TTN: variants seen among roughly 807,000 people sequenced by gnomAD.
TTN encodes the protein titin, also known as connectin.
TTN carries 1,525 observed loss-of-function variants against 3,223.0 expected under a neutral mutation model. The ratio of observed to expected loss-of-function variants is 0.47; its 90% confidence interval spans 0.45 to 0.49. The LOEUF (loss-of-function observed/expected upper bound fraction) is 0.49. Among genes scored for constraint, TTN ranks in the 20% least tolerant of loss-of-function variants. TTN has a pLI of 0.00. For missense variants in TTN, 40,786 were observed against 43,424.0 expected (o/e 0.94, Z 5.40); for synonymous variants, 14,094 against 15,161.0 (o/e 0.93, Z 5.17).
intron 222 of TTN, 51 bp from the exon 223 acceptor site, chr2:178,639,839 A>T: frequency 2.6e-6 from 4 of 1,520,704 alleles, no homozygotes; most frequent in Non-Finnish European, 3.5e-6. Flanking sequence ...ACTTCCTAAA[A>T]ACTTATTTGG....
intron 330 of TTN, 142 bp from the exon 331 acceptor site, chr2:178,555,294 T>A: frequency 1.2e-6 from 1 of 801,702 alleles, no homozygotes; most frequent in Non-Finnish European, 1.9e-6. Flanking sequence ...AATTATTATT[T>A]AAAAATTAAA....
rs1228143056 is a variant in TTN, at chr2:178,532,239, GAAGTC to G, written c.104371_104375del (p.Asp34791HisfsTer8). ...TTCTAGACTTTTCCTCCTTTGACAT[GAAGTC>G]AAGTTCGCTTTTGTATTCTGAGAGA... On this transcript the variant is annotated frameshift_variant, in exon 358 of 363. Coordinates refer to ENST00000589042, the MANE Select transcript of TTN (RefSeq NM_001267550.2). LOFTEE classifies it high-confidence loss of function. 6.2e-7 allele frequency: 1 copy of G among 1,613,482 alleles called. No homozygotes were observed. The highest frequency in any genetic ancestry group is 8.5e-7 in the Non-Finnish European group (1 of 1,179,870).
At chr2:178,705,121 A>G in intron 103 of TTN, 53 bp downstream of exon 103, 1 of 1,596,618 alleles carries the variant, frequency 6.3e-7, no homozygotes. Context: ...GGAATATGTG[A>G]GATGTTTTAA....
chr2:178,549,852 C>T lies in TTN; in HGVS notation c.91870G>A (p.Val30624Ile), dbSNP rs1474057900. ...ATATTGGTGAATCTTATTGGCCCAACTACTTTTCCTGGTGTATCTATAAGA... is the reference window on the plus strand; with the variant it reads ...ATATTGGTGAATCTTATTGGCCCAATTACTTTTCCTGGTGTATCTATAAGA... ...VKVQDTPGKV[V>I]GPIRFTNITG... is the part of the protein sequence containing the mutation. Residue 30624 changes from valine to isoleucine, a missense_variant, in exon 338 of 363, where the codon GTT becomes ATT. Coordinates refer to ENST00000589042, the MANE Select transcript of TTN (RefSeq NM_001267550.2). 1 of 1,571,808 alleles carries T rather than the reference C, an allele frequency of 6.4e-7. No homozygotes were observed. Among genetic ancestry groups the T allele is most frequent in the African/African-American group, 1.4e-5 (1 of 72,996 alleles).
rs1403341910 is a variant in TTN, at chr2:178,567,263, G to A, written c.78869C>T (p.Pro26290Leu). 6.2e-7 allele frequency: 1 copy of A among 1,606,406 alleles called. No individual in the cohort carries two copies. The highest frequency in any genetic ancestry group is 1.7e-5 in the Admixed American group (1 of 59,062). The change falls in exon 326 of 363, where the codon CCA becomes CTA. Residue 26290 changes from proline to leucine, a missense_variant. Transcript: ENST00000589042. ...NVKVLDRPGP[P>L]EGPVQVTGVT... Reference sequence around the variant, plus strand: ...TCCAGTAACCTGGACTGGCCCTTCTGGAGGTCCTGGTCTATCTAATACTTT... The same window carrying A: ...TCCAGTAACCTGGACTGGCCCTTCTAGAGGTCCTGGTCTATCTAATACTTT...
rs1239460039 is a variant in TTN at position 178,647,469 on chromosome 2, A to C, written c.40058-5T>G. ...TTTTCTCAGGCACTTTGGGCACTTT[A>C]AAGATATGATTTTGTTTACTATTAA... On this transcript the variant is annotated splice_polypyrimidine_tract_variant and splice_region_variant and intron_variant, in intron 213 of 362. Coordinates refer to ENST00000589042, the MANE Select transcript of TTN (RefSeq NM_001267550.2). 1 of 1,549,356 alleles carries C rather than the reference A, an allele frequency of 6.5e-7. No individual in the cohort carries two copies. Among genetic ancestry groups the C allele is most frequent in the African/African-American group, 1.4e-5 (1 of 72,948 alleles).
rs749304631 is a variant in TTN, at chr2:178,582,570, A to G, written c.65886T>C (p.Ser21962=). The G allele has an allele frequency of 3.1e-6, 5 of 1,609,230 alleles. No homozygotes were observed. The highest frequency in any genetic ancestry group is 4.2e-6 in the Non-Finnish European group (5 of 1,177,002). The change falls in exon 314 of 363, where the codon TCT becomes TCC. Residue 21962 remains serine (S), a synonymous_variant. Coordinates refer to ENST00000589042, the MANE Select transcript of TTN (RefSeq NM_001267550.2). ...CTGAATACATTTTGTTGATTTTAACAGATGCTGGAGGACCCGGTTTATCTG... is the reference window on the plus strand; with the variant it reads ...CTGAATACATTTTGTTGATTTTAACGGATGCTGGAGGACCCGGTTTATCTG... ...KVLDKPGPPA[S]VKINKMYSDR...
intron 110 of TTN, 97 bp downstream of exon 110, chr2:178,701,429 ACT>A: frequency 7.8e-7 from 1 of 1,281,044 alleles, no homozygotes; most frequent in Non-Finnish European, 1.1e-6. Context: ...TTTTGTTCTG[ACT>A]CTGCTGCAGT....
In TTN at chr2:178,740,052, T is replaced by C; in HGVS notation, c.13181A>G (p.Asn4394Ser). The change falls in exon 48 of 363, where the codon AAC becomes AGC. Residue 4394 changes from asparagine to serine, a missense_variant. By Grantham distance (46) the Asn-to-Ser change is conservative. Coordinates refer to ENST00000589042, the MANE Select transcript of TTN (RefSeq NM_001267550.2). ...AGCCCGGCAGATTTGAATTTTCAGG[T>C]TTAATCTCTGCTCTTCTGGAATACC... ...LSGIPEEQRL[N>S]LKIQICRALQ... 6.2e-7 allele frequency: 1 copy of C among 1,613,840 alleles called. No homozygotes were observed. The highest frequency in any genetic ancestry group is 8.5e-7 in the Non-Finnish European group (1 of 1,179,822).
chr2:178,609,310 G>A lies in TTN; in HGVS notation c.52000C>T (p.Leu17334=). ...GGTCGGAGAGAATCTCGGACGCGTA[G>A]CTGAGATTCTCCCTTTTTGCTGTTG... The part of the protein sequence containing the change: ...IDNSKKGESQ[L]RVRDSLRPDH... The change falls in exon 273 of 363, where the codon CTA becomes TTA. Residue 17334 remains leucine, a synonymous_variant. Transcript: ENST00000589042. 6.2e-7 allele frequency: 1 copy of A among 1,607,570 alleles called. No homozygotes were observed. The highest frequency in any genetic ancestry group is 2.2e-5 in the East Asian group (1 of 44,528).
rs1319588606 is a variant in TTN at position 178,639,750 on chromosome 2, G to T, written c.40825C>A (p.Pro13609Thr). The T allele has an allele frequency of 3.5e-5, 56 of 1,608,962 alleles. No homozygotes were observed. Among genetic ancestry groups the T allele is most frequent in the Non-Finnish European group, 4.8e-5 (56 of 1,177,720 alleles). Residue 13609 changes from proline to threonine, a missense_variant, in exon 223 of 363, where the codon CCA becomes ACA. By Grantham distance (38) the Pro-to-Thr change is conservative. Transcript: ENST00000589042. ...GTTACTGGGGCAGCGATGGGGGTTG[G>T]TTCAGGTTCCACAGGAGGTGGTTTG... is the stretch of plus-strand genomic sequence containing the variant. ...TIKPPPVEPEPTPIAAPVTVP... is the reference protein window; with the variant it reads ...TIKPPPVEPETTPIAAPVTVP...
chr2:178,586,427 A>G, intron 308 of TTN, 78 bp downstream of exon 308: 1 of 1,530,616 alleles, frequency 6.5e-7, no homozygotes, highest in Non-Finnish European at 8.9e-7. Context: ...TAGATTCCTC[A>G]GGGAGAAATG....
At chr2:178,625,215 T>C in intron 241 of TTN, 58 bp downstream of exon 241, 1 of 1,558,134 alleles carries the variant, frequency 6.4e-7, no homozygotes, top group Non-Finnish European at 8.7e-7. Context: ...AATTGAGAGT[T>C]GGCATTGTTC....
At chr2:178,752,956 A>G (rs2085953786) in intron 47 of TTN, among the ~76,000 whole-genome samples, 168 bp downstream of exon 47, 1 of 152,118 alleles carries the variant, frequency 6.6e-6, no homozygotes, top group Non-Finnish European at 1.5e-5. Context: ...GCATGTAACC[A>G]TCAAAATTCT....
At position 178,632,194 on chromosome 2, in the gene TTN, C is replaced by G. The variant is rs555652524; in HGVS notation, c.43700G>C (p.Arg14567Thr). Reference sequence around the variant, plus strand: ...TGAACTCATCCCCATAGCTTCTACTCTAATTTGGGAGGTGTCATCAATAGA... The same window carrying G: ...TGAACTCATCCCCATAGCTTCTACTGTAATTTGGGAGGTGTCATCAATAGA... ...DLSIDDTSQI[R>T]VEAMGMSSEA... Residue 14567 changes from arginine to threonine, a missense_variant, in exon 236 of 363, where the codon AGA (arginine) becomes ACA (threonine). Coordinates refer to ENST00000589042, the MANE Select transcript of TTN (RefSeq NM_001267550.2). 1.7e-5 allele frequency: 27 copies of G among 1,608,922 alleles called. No individual in the cohort carries two copies. Among genetic ancestry groups the G allele is most frequent in the Non-Finnish European group, 2.3e-5 (27 of 1,177,412 alleles).
chr2:178,702,032 C>A lies in TTN; in HGVS notation c.30538+8G>T. ...TAAGCAAGGATTGATTTTTACAAAA[C>A]AACTTACCAGGAGGCTTCAGCTCAA... On this transcript the variant is annotated splice_region_variant and intron_variant, in intron 109 of 362. Transcript: ENST00000589042. 6.2e-7 allele frequency: 1 copy of A among 1,609,396 alleles called. No homozygotes were observed. The highest frequency in any genetic ancestry group is 1.1e-5 in the South Asian group (1 of 90,012).
rs776803907 is a variant in TTN, at chr2:178,751,289, C to T, written c.11311+1835G>A. 55 of 1,611,144 alleles carry T rather than the reference C, an allele frequency of 3.4e-5. No individual in the cohort carries two copies. The highest frequency in any genetic ancestry group is 4.3e-5 in the Non-Finnish European group (51 of 1,178,916). The stretch of plus-strand genomic sequence containing the variant: ...TAATGTTTTTCTAGCCTCCCTTAAA[C>T]GTTGCAACTTCACTTTGGTCTCCTT... On this transcript the variant is annotated intron_variant, in intron 47 of 362. Transcript: ENST00000589042.
intron 346 of TTN, 53 bp from the exon 347 acceptor site, chr2:178,543,715 T>C: frequency 2.0e-6 from 3 of 1,520,312 alleles, no homozygotes; most frequent in Non-Finnish European, 2.6e-6. Context: ...TAGCTTTTTT[T>C]TTCTTGGGGA....
At position 178,773,923 on chromosome 2, in the gene TTN, T is replaced by G; in HGVS notation, c.7245A>C (p.Glu2415Asp). 2 of 1,614,138 alleles carry G rather than the reference T, an allele frequency of 1.2e-6. No individual in the cohort carries two copies. ...IDKQSHMLLI[E>D]DMTKEDAGNY... The stretch of plus-strand genomic sequence containing the variant: ...TTCCAGCATCTTCCTTAGTCATGTC[T>G]TCAATGAGCAGCATATGAGATTGTT... The change falls in exon 31 of 363, where the codon GAA becomes GAC. Residue 2415 changes from glutamate to aspartate, a missense_variant. Transcript: ENST00000589042.
Sources: allele counts gnomAD v4.1 joint callset (sites outside exome capture counted in the v4.1 genomes callset), GRCh38; gene constraint gnomAD v4.1.1; transcripts MANE v1.5; gene names NCBI Gene and HGNC (gene_info 2026-07-23, HGNC 2026-07-21).